Variants in TAF1 observed in about 807,000 individuals in gnomAD.
The protein encoded by TAF1 is TATA-box binding protein associated factor 1.
TAF1 carries 2 observed loss-of-function variants against 138.5 expected under a neutral mutation model. The ratio of observed to expected loss-of-function variants is 0.01; its 90% CI spans 0.01 to 0.05. The LOEUF (loss-of-function observed/expected upper bound fraction) is 0.05, where lower values mean the gene tolerates loss of function less well. Among genes scored for constraint, TAF1 ranks in the 10% least tolerant of loss-of-function variants. The probability of loss-of-function intolerance (pLI) is 1.00; values close to 1 mark genes in which losing one functional copy is unlikely to be tolerated. For synonymous variants in TAF1, 437 were observed against 503.2 expected, an observed-to-expected ratio of 0.87 and a Z score of 1.76; for missense variants, 709 against 1,478.0, an observed-to-expected ratio of 0.48 and a Z score of 8.53.
intron 32 of TAF1, among the ~76,000 whole-genome samples, chrX:71,426,800 A>G (rs1383974177): frequency 9.0e-6 from 1 of 111,467 alleles, no homozygotes; most frequent in Non-Finnish European, 1.9e-5. Flanking sequence ...GGCAGGCAAG[A>G]GTCAAATCAT....
At position 71,406,775 on chromosome X, in the gene TAF1, T is replaced by A. The variant is rs1327896699; in HGVS notation, c.4107+29T>A. The A allele has an allele frequency of 4.4e-6, 5 of 1,145,467 alleles. No homozygotes were observed. The East Asian group carries it at 1.5e-4, about 34-fold the overall frequency. 94.4% of individuals were successfully genotyped at this position (1,145,467 alleles called of 1,213,427 possible). On this transcript the variant is annotated intron_variant, in intron 26 of 37. Coordinates refer to ENST00000423759, the MANE Select transcript of TAF1 (RefSeq NM_004606.5). The stretch of plus-strand genomic sequence containing the variant: ...AGTATGTGCATTGCTTCCTTCTGAT[T>A]AGGTAGGTTATCATTGATTCCCCAG...
chrX:71,449,854 C>T (rs754475776), intron 32 of TAF1, among the ~76,000 whole-genome samples: 395 of 111,908 alleles, frequency 3.5e-3, no homozygotes, highest in African/African-American at 0.013. Flanking sequence ...CTCACTGCAG[C>T]CTCAACCTCC....
Position 71,529,885 on chromosome X carries a change from C to G in TAF1, c.*347C>G, listed in dbSNP as rs1263419929. The G allele has an allele frequency of 2.0e-5, 5 of 255,507 alleles. No homozygotes were observed. The South Asian group carries it at 2.0e-4, about 10-fold the overall frequency. The allele number at this position is 255,507 out of a possible 1,213,427, so 21.1% of individuals were successfully genotyped here. On this transcript the variant is annotated 3_prime_UTR_variant and NMD_transcript_variant, in exon 15 of 15. Coordinates refer to the TAF1 transcript ENST00000373775. ...GAAGTGGACCTTATTGGTCTTTGAGCTCTCACATCTTTAAAGACTGTTGGT... is the reference window on the plus strand; with the variant it reads ...GAAGTGGACCTTATTGGTCTTTGAGGTCTCACATCTTTAAAGACTGTTGGT...
chrX:71,372,479 GAA>G (rs1308676944), intron 3 of TAF1, among the ~76,000 whole-genome samples: 1 of 89,770 alleles, frequency 1.1e-5, no homozygotes, highest in Non-Finnish European at 2.2e-5. Flanking sequence ...GTCAAACTTA[GAA>G]GATACTGATA....
At chrX:71,479,208 A>G (rs1291137149) in intron 13 of TAF1, among the ~76,000 whole-genome samples, 1 of 112,520 alleles carries the variant, frequency 8.9e-6, no homozygotes, top group Non-Finnish European at 1.9e-5. Flanking sequence ...AGGAAAGTTC[A>G]GAAAAATTCA....
At chrX:71,474,893 C>T (rs1298148528) in intron 13 of TAF1, among the ~76,000 whole-genome samples, 2 of 111,407 alleles carry the variant, frequency 1.8e-5, no homozygotes, top group African/African-American at 6.5e-5. Context: ...ATAGTAAGAT[C>T]AAAGGCTCTG....
At chrX:71,508,606 GAA>G (rs1298001093) in intron 13 of TAF1, among the ~76,000 whole-genome samples, 2 of 38,477 alleles carry the variant, frequency 5.2e-5, no homozygotes, top group Admixed American at 3.7e-4. Context: ...CCCTGTCTCT[GAA>G]AAAAAAAAAA....
Position 71,436,376 on chromosome X carries a change from C to T in TAF1, c.4753+12138C>T, listed in dbSNP as rs781494015. On this transcript the variant is annotated intron_variant, in intron 32 of 37. Transcript: ENST00000423759. ...GACTACAGGTGACCGCCACAACGCCCGGCTAATTTTTTATATTTTTAGTAG... is the reference window on the plus strand; with the variant it reads ...GACTACAGGTGACCGCCACAACGCCTGGCTAATTTTTTATATTTTTAGTAG... Among the ~76,000 whole-genome samples the T allele has an allele frequency of 4.6e-5, 5 of 108,683 alleles. No homozygotes were observed. The South Asian group carries it at 1.2e-3, about 27-fold the overall frequency. 94.4% of individuals were successfully genotyped at this position (108,683 alleles called of 115,157 possible).
At chrX:71,398,501 C>T (rs775041731) in intron 23 of TAF1, 71 bp from the exon 24 acceptor site, 108 of 1,161,380 alleles carry the variant, frequency 9.3e-5, no homozygotes, top group Non-Finnish European at 1.1e-4. Context: ...TTAGCTATCA[C>T]GATAGTCTTC....
intron 8 of TAF1, among the ~76,000 whole-genome samples, chrX:71,380,874 A>G (rs1251229054): frequency 9.0e-6 from 1 of 111,209 alleles, no homozygotes; most frequent in African/African-American, 3.3e-5. Context: ...TATTTTTAGT[A>G]GAGACGGGGT....
intron 13 of TAF1, among the ~76,000 whole-genome samples, chrX:71,471,787 G>A (rs964820616): frequency 1.8e-5 from 2 of 111,595 alleles, no homozygotes; most frequent in Non-Finnish European, 3.8e-5. Flanking sequence ...CCCCCTAGAC[G>A]TTTCCCATTG....
intron 28 of TAF1, among the ~76,000 whole-genome samples, chrX:71,411,027 C>T (rs1352682236): frequency 2.7e-5 from 3 of 109,787 alleles, no homozygotes; most frequent in African/African-American, 1.0e-4. Flanking sequence ...AGGTGATCTG[C>T]CCTCCTCAGC....
intron 32 of TAF1, among the ~76,000 whole-genome samples, chrX:71,453,372 A>G (rs915241039): frequency 1.7e-4 from 17 of 102,104 alleles, no homozygotes; most frequent in Non-Finnish European, 2.8e-4. Context: ...CAGCCTGTGC[A>G]ACATAGTGAG....
intron 13 of TAF1, among the ~76,000 whole-genome samples, chrX:71,509,140 A>G (rs1397126610): frequency 9.0e-6 from 1 of 111,481 alleles, no homozygotes; most frequent in African/African-American, 3.3e-5. Context: ...AAAAAATTCA[A>G]ACTAGGAAGT....
At position 71,498,756 on chromosome X, in the gene TAF1, C is replaced by A. The variant is rs764829754; in HGVS notation, c.1367-29786C>A. On this transcript the variant is annotated intron_variant and NMD_transcript_variant, in intron 13 of 14. Transcript: ENST00000373775. The stretch of plus-strand genomic sequence containing the variant: ...TCCAGCTTTGGCTAATATGTCCCTC[C>A]CTAATAAGGGTGTGGGACTTTCAGG... Among the ~76,000 whole-genome samples, 26 of 111,506 alleles carry A rather than the reference C, an allele frequency of 2.3e-4. No individual in the cohort carries two copies. The East Asian group carries it at 7.1e-3, about 30-fold the overall frequency.
intron 13 of TAF1, among the ~76,000 whole-genome samples, chrX:71,510,111 A>G (rs2039704601): frequency 9.0e-6 from 1 of 111,471 alleles, no homozygotes; most frequent in Non-Finnish European, 1.9e-5. Flanking sequence ...ACAGTGAACC[A>G]TGATCATGCC....
intron 13 of TAF1, among the ~76,000 whole-genome samples, chrX:71,513,701 G>A (rs1465101322): frequency 1.8e-5 from 2 of 111,667 alleles, no homozygotes; most frequent in Non-Finnish European, 3.8e-5. Flanking sequence ...GGGCAACATA[G>A]TGAGACCCCA....
At chrX:71,489,131 A>G (rs1177984227) in intron 13 of TAF1, among the ~76,000 whole-genome samples, 3 of 108,803 alleles carry the variant, frequency 2.8e-5, no homozygotes. Context: ...TTTTGTCACT[A>G]TCATATGCCG....
chrX:71,403,271 C>CT (rs1193280504), intron 25 of TAF1, among the ~76,000 whole-genome samples: 2 of 111,449 alleles, frequency 1.8e-5, no homozygotes, highest in Non-Finnish European at 3.8e-5. Context: ...TCAAGCAGTC[C>CT]TCCTGCCTCA....
Sources: gnomAD v4.1 joint callset for allele counts (sites outside exome capture counted in the v4.1 genomes callset) on GRCh38, gnomAD v4.1.1 for gene constraint, MANE v1.5 for transcripts, NCBI Gene and HGNC (gene_info 2026-07-23, HGNC 2026-07-21) for gene names.